Variants in LZTFL1 observed in about 807,000 individuals in gnomAD.
The protein encoded by LZTFL1 is leucine zipper transcription factor like 1.
A neutral mutation model predicts 45.9 loss-of-function variants in LZTFL1; 25 were observed. That is an observed-to-expected ratio of 0.54 (90% CI 0.40 to 0.76). LZTFL1 has a LOEUF of 0.76. Among genes scored for constraint, LZTFL1 ranks in the 30% least tolerant of loss-of-function variants. LZTFL1 has a pLI of 0.00. For missense variants in LZTFL1, 277 were observed against 331.1 expected (o/e 0.84, Z 1.27); for synonymous variants, 93 against 117.4 (o/e 0.79, Z 1.35).
Position 45,828,568 on chromosome 3 carries a change from A to G in LZTFL1, c.648T>C (p.Ala216=), listed in dbSNP as rs951140170. The G allele has an allele frequency of 5.0e-6, 8 of 1,614,056 alleles. No homozygotes were observed. The highest frequency in any genetic ancestry group is 6.8e-6 in the Non-Finnish European group (8 of 1,180,010). The change falls in exon 8 of 10, where the codon GCT becomes GCC. Residue 216 remains alanine (A), a synonymous_variant. Coordinates refer to ENST00000296135, the MANE Select transcript of LZTFL1 (RefSeq NM_020347.4). ...QDLSNLENTV[A]ALKSEFQKTL... is the part of the protein sequence containing the mutation. ...TCTTCTGAAACTCACTCTTTAAGGCAGCGACAGTGTTTTCTAAGTTACTTA... is the reference window on the plus strand; with the variant it reads ...TCTTCTGAAACTCACTCTTTAAGGCGGCGACAGTGTTTTCTAAGTTACTTA...
rs764365883 is a variant in LZTFL1, at chr3:45,901,014, T to G, written c.-215+12106A>C. ...TCTTGTTATCCTTGTCTACTGGTACTGCACAAGAGTGAAGACCATGACCGA... is the reference window on the plus strand; with the variant it reads ...TCTTGTTATCCTTGTCTACTGGTACGGCACAAGAGTGAAGACCATGACCGA... On this transcript the variant is annotated intron_variant, in intron 2 of 4. Transcript: ENST00000472635. The surrounding 1 kb of genome is among the most constrained non-coding windows in gnomAD (Gnocchi z 4.3). 1 of 1,614,248 alleles carries G rather than the reference T, an allele frequency of 6.2e-7. No individual in the cohort carries two copies. Among genetic ancestry groups the G allele is most frequent in the Non-Finnish European group, 8.5e-7 (1 of 1,180,036 alleles).
rs1701839622 is a variant in LZTFL1, at chr3:45,880,612, C to T, written c.-214-21596G>A. Among the ~76,000 whole-genome samples, 3 of 152,226 alleles carry T rather than the reference C, an allele frequency of 2.0e-5. No homozygotes were observed. In the South Asian group the frequency reaches 6.2e-4, roughly 32 times the overall value. On this transcript the variant is annotated intron_variant, in intron 2 of 4. Coordinates refer to the LZTFL1 transcript ENST00000472635. ...TGGCCCAGCCTCAAAGCCCAACATGCTCGTGCCCCTCCAAATTATCTGGCC... is the reference window on the plus strand; with the variant it reads ...TGGCCCAGCCTCAAAGCCCAACATGTTCGTGCCCCTCCAAATTATCTGGCC...
chr3:45,824,058 T>C lies in LZTFL1; in HGVS notation c.*2256A>G, dbSNP rs1424728433. ...CATAAAGAGAAAAAATGAACACAAA[T>C]GTCAAACAGAAGAAAACCCTTTATA... On this transcript the variant is annotated 3_prime_UTR_variant, in exon 10 of 10. Transcript: ENST00000296135. 1.3e-5 allele frequency: 2 copies of C among 152,146 alleles called. No individual in the cohort carries two copies. Among genetic ancestry groups the C allele is most frequent in the Non-Finnish European group, 2.9e-5 (2 of 68,028 alleles). The allele number at this position is 152,146 out of a possible 1,614,324, so 9.4% of individuals were successfully genotyped here.
At chr3:45,826,380 G>A in intron 9 of LZTFL1, 48 bp from the exon 10 acceptor site, 1 of 1,469,230 alleles carries the variant, frequency 6.8e-7, no homozygotes, top group Non-Finnish European at 9.5e-7. Flanking sequence ...TTTTGTTGTT[G>A]TTATTACCAA....
chr3:45,912,706 G>A (rs771835431), intron 2 of LZTFL1, among the ~76,000 whole-genome samples: 2 of 152,188 alleles, frequency 1.3e-5, no homozygotes, highest in Non-Finnish European at 2.9e-5. Context: ...CCAATGAGCA[G>A]CCAACCCTCA....
At chr3:45,859,559 A>G (rs1013670353) in intron 2 of LZTFL1, among the ~76,000 whole-genome samples, 1 of 152,202 alleles carries the variant, frequency 6.6e-6, no homozygotes, top group African/African-American at 2.4e-5. Flanking sequence ...AAAAACACCA[A>G]TGAAGTAGTT....
intron 2 of LZTFL1, among the ~76,000 whole-genome samples, chr3:45,894,056 C>A (rs1298313828): frequency 6.6e-6 from 1 of 152,112 alleles, no homozygotes; most frequent in Non-Finnish European, 1.5e-5. Flanking sequence ...AATGTACTCG[C>A]TAAGGGTATA....
intron 2 of LZTFL1, among the ~76,000 whole-genome samples, chr3:45,878,389 T>A (rs1208626107): frequency 6.6e-6 from 1 of 152,150 alleles, no homozygotes; most frequent in Non-Finnish European, 1.5e-5. Context: ...TTCTGACTTT[T>A]CAAAAACTAG....
Position 45,857,080 on chromosome 3 carries a change from T to C in LZTFL1, c.-138+1860A>G, listed in dbSNP as rs117832191. ...AAAGATACATGCATGTGTGTATTCA[T>C]TGTAGCACTATTCACAATAGCAAAG... On this transcript the variant is annotated intron_variant, in intron 3 of 4. Transcript: ENST00000472635. 3.2e-4 allele frequency among the ~76,000 whole-genome samples: 48 copies of C among 152,338 alleles called. No individual in the cohort carries two copies. In the East Asian group the frequency reaches 8.7e-3, roughly 28 times the overall value.
chr3:45,833,115 AGATGGGCT>A lies in LZTFL1; in HGVS notation c.385-2_390del. 1 of 1,612,428 alleles carries A rather than the reference AGATGGGCT, an allele frequency of 6.2e-7. No homozygotes were observed. Among genetic ancestry groups the A allele is most frequent in the South Asian group, 1.1e-5 (1 of 91,052 alleles). On this transcript the variant is annotated splice_acceptor_variant and coding_sequence_variant, in exon 5 of 10. Transcript: ENST00000296135. LOFTEE classifies it high-confidence loss of function. Reference sequence around the variant, plus strand: ...GCAAGTTTTGGCTTTGTGACATCTAAGATGGGCTGAAACAAAATAAAGAAACCAAACTG... The same window carrying A: ...GCAAGTTTTGGCTTTGTGACATCTAAGAAACAAAATAAAGAAACCAAACTG...
At chr3:45,826,951 C>T (rs1185221643) in intron 9 of LZTFL1, among the ~76,000 whole-genome samples, 1 of 152,354 alleles carries the variant, frequency 6.6e-6, no homozygotes, top group East Asian at 1.9e-4. Flanking sequence ...CACCCATCTG[C>T]ATGAATCTCA....
chr3:45,894,888 T>C (rs537359024), intron 2 of LZTFL1: 4 of 1,608,388 alleles, frequency 2.5e-6, no homozygotes, highest in South Asian at 1.1e-5. Flanking sequence ...CACTTTTTGA[T>C]TTTTGTCCCT....
chr3:45,830,501 C>T (rs62245073), intron 7 of LZTFL1, among the ~76,000 whole-genome samples: 9,657 of 152,090 alleles, frequency 0.063, 460 homozygotes, highest in East Asian at 0.26. Context: ...TATAATAAAA[C>T]CCAAATATAA....
intron 2 of LZTFL1, among the ~76,000 whole-genome samples, chr3:45,865,361 G>A (rs1381240972): frequency 6.6e-6 from 1 of 152,238 alleles, no homozygotes; most frequent in Non-Finnish European, 1.5e-5. Context: ...CACTGATGAG[G>A]AACGACCTCC....
chr3:45,852,858 T>C (rs970888222), intron 4 of LZTFL1, among the ~76,000 whole-genome samples: 2 of 152,222 alleles, frequency 1.3e-5, no homozygotes, highest in African/African-American at 4.8e-5. Context: ...GGCACCTTCT[T>C]TCTAAGAGCC....
chr3:45,855,755 C>A (rs1426403854), intron 3 of LZTFL1, among the ~76,000 whole-genome samples: 2 of 151,718 alleles, frequency 1.3e-5, no homozygotes, highest in African/African-American at 4.9e-5. Context: ...TCCTATACAC[C>A]ACAAATAGAC....
intron 2 of LZTFL1, among the ~76,000 whole-genome samples, chr3:45,867,739 G>A (rs1037837160): frequency 6.6e-5 from 10 of 152,264 alleles, no homozygotes; most frequent in African/African-American, 2.4e-4. Flanking sequence ...AGCTACTTGG[G>A]AGGCTGATGT....
intron 2 of LZTFL1, among the ~76,000 whole-genome samples, chr3:45,861,519 T>G (rs550610235): frequency 2.6e-5 from 4 of 152,130 alleles, no homozygotes; most frequent in Admixed American, 6.5e-5. Context: ...GGTGGGGGAA[T>G]GTTTAAAAGA....
intron 2 of LZTFL1, among the ~76,000 whole-genome samples, chr3:45,883,009 T>A (rs1228746762): frequency 6.6e-6 from 1 of 152,160 alleles, no homozygotes; most frequent in African/African-American, 2.4e-5. Context: ...ATTTTGATAC[T>A]TCTACAAGGG....
Sources: allele counts gnomAD v4.1 joint callset (sites outside exome capture counted in the v4.1 genomes callset), GRCh38; gene constraint gnomAD v4.1.1; non-coding constraint Gnocchi (gnomAD v3.1); transcripts MANE v1.5; gene names NCBI Gene and HGNC (gene_info 2026-07-23, HGNC 2026-07-21).